Variants in ATF2 observed in about 807,000 individuals in gnomAD.
The protein encoded by ATF2 is cyclic AMP-dependent transcription factor ATF-2.
A neutral mutation model predicts 60.6 loss-of-function variants in ATF2; 24 were observed. The ratio of observed to expected loss-of-function variants is 0.40; its 90% CI spans 0.29 to 0.56. ATF2 has a LOEUF of 0.56. Ranked by LOEUF, ATF2 falls within the 20% of genes least tolerant of loss-of-function variation. The pLI is 0.54. For synonymous variants in ATF2, 206 were observed against 215.4 expected, an observed-to-expected ratio of 0.96 and a Z score of 0.38; for missense variants, 433 against 607.7, an observed-to-expected ratio of 0.71 and a Z score of 3.02.
At chr2:175,091,267 C>T (rs556397745) in intron 12 of ATF2, among the ~76,000 whole-genome samples, 1 of 151,988 alleles carries the variant, frequency 6.6e-6, no homozygotes, top group South Asian at 2.1e-4. Context: ...GTGGTATTAC[C>T]ACATCTATTC....
intron 1 of ATF2, among the ~76,000 whole-genome samples, chr2:175,156,539 G>A (rs908692021): frequency 3.9e-5 from 6 of 152,060 alleles, no homozygotes; most frequent in Non-Finnish European, 8.8e-5. Context: ...TTAGAAGCAC[G>A]AGAGGGATTT....
chr2:175,151,388 C>A (rs1016589026), intron 1 of ATF2, among the ~76,000 whole-genome samples: 1 of 152,074 alleles, frequency 6.6e-6, no homozygotes, highest in African/African-American at 2.4e-5. Flanking sequence ...TCCCGTAACT[C>A]CTGGCATATT....
chr2:175,136,376 A>G (rs1314775207), intron 3 of ATF2, 36 bp downstream of exon 3: 12 of 1,598,836 alleles, frequency 7.5e-6, no homozygotes, highest in Non-Finnish European at 1.0e-5. Flanking sequence ...CCAAAATGTA[A>G]AAAATGGCTA....
intron 2 of ATF2, among the ~76,000 whole-genome samples, chr2:175,144,093 T>G (rs915749789): frequency 1.3e-4 from 20 of 152,078 alleles, no homozygotes; most frequent in Admixed American, 1.3e-3. Flanking sequence ...TGCACCTGAT[T>G]CTTTGCCCAT....
intron 5 of ATF2, 55 bp downstream of exon 5, chr2:175,121,389 G>A: frequency 8.3e-7 from 1 of 1,206,948 alleles, no homozygotes; most frequent in South Asian, 1.6e-5. Context: ...CACAAAAATT[G>A]TGCACATTCC....
intron 5 of ATF2, among the ~76,000 whole-genome samples, chr2:175,121,131 GCTGA>G (rs1696930442): frequency 2.0e-5 from 3 of 151,804 alleles, no homozygotes; most frequent in Non-Finnish European, 4.4e-5. Context: ...TAAAAGAAAT[GCTGA>G]CTAAATACCA....
At chr2:175,122,410 C>G (rs2105720353) in intron 4 of ATF2, among the ~76,000 whole-genome samples, 1 of 152,036 alleles carries the variant, frequency 6.6e-6, no homozygotes, top group Non-Finnish European at 1.5e-5. Context: ...GTTAACAGAT[C>G]TCAATTCACT....
intron 1 of ATF2, among the ~76,000 whole-genome samples, chr2:175,159,434 G>A (rs1699883874): frequency 1.3e-5 from 2 of 152,112 alleles, no homozygotes; most frequent in African/African-American, 2.4e-5. Context: ...TTCATCAGCT[G>A]AGAGAAAAAT....
intron 1 of ATF2, among the ~76,000 whole-genome samples, chr2:175,152,984 T>C (rs749651293): frequency 2.6e-5 from 4 of 152,206 alleles, no homozygotes; most frequent in Non-Finnish European, 5.9e-5. Flanking sequence ...TGTATAGAGA[T>C]ATTTGGGTTC....
At chr2:175,076,240 G>C (rs1693282376) in intron 13 of ATF2, among the ~76,000 whole-genome samples, 2 of 151,882 alleles carry the variant, frequency 1.3e-5, no homozygotes, top group African/African-American at 4.8e-5. Flanking sequence ...TTGAAAAGCA[G>C]GTTTTAAAAT....
At chr2:175,084,469 G>A (rs1166206408) in intron 12 of ATF2, among the ~76,000 whole-genome samples, 1 of 123,864 alleles carries the variant, frequency 8.1e-6, no homozygotes, top group African/African-American at 3.1e-5. Context: ...ACAGGAAGGG[G>A]AACATCACAC....
chr2:175,089,304 G>T lies in ATF2; in HGVS notation c.1185+3757C>A, dbSNP rs115015669. 2.9e-3 allele frequency among the ~76,000 whole-genome samples: 449 copies of T among 152,210 alleles called. 2 individuals carry two copies. Among genetic ancestry groups the T allele is most frequent in the African/African-American group, 0.01 (426 of 41,526 alleles). ...CAATGATTTGGGAAAACTAAAACAT[G>T]ATTAAATTTAGTGAATGCGGCAATA... On this transcript the variant is annotated intron_variant, in intron 12 of 13. Coordinates refer to ENST00000264110, the MANE Select transcript of ATF2 (RefSeq NM_001880.4).
At chr2:175,114,318 G>A in intron 8 of ATF2, 1 of 1,300,376 alleles carries the variant, frequency 7.7e-7, no homozygotes, top group Non-Finnish European at 9.7e-7. Flanking sequence ...AAAAGTTATG[G>A]ATTTACTTAG....
chr2:175,110,897 G>A (rs145942069), intron 10 of ATF2, among the ~76,000 whole-genome samples: 7 of 152,250 alleles, frequency 4.6e-5, no homozygotes, highest in Admixed American at 4.6e-4. Flanking sequence ...GTGAGCCACT[G>A]CGCCCGGCCC....
intron 11 of ATF2, among the ~76,000 whole-genome samples, chr2:175,095,815 T>C (rs1351602611): frequency 1.3e-5 from 2 of 152,244 alleles, no homozygotes; most frequent in East Asian, 1.9e-4. Flanking sequence ...CAATAAATTA[T>C]ATTCATTTTT....
chr2:175,151,025 G>A (rs1398801830), intron 2 of ATF2, 35 bp downstream of exon 2: 1 of 152,470 alleles, frequency 6.6e-6, no homozygotes, highest in South Asian at 2.1e-4. Context: ...AAAATGAAAA[G>A]AATACTTTTA....
chr2:175,114,350 T>C lies in ATF2; in HGVS notation c.627-242A>G, dbSNP rs560406106. 27 of 1,259,038 alleles carry C rather than the reference T, an allele frequency of 2.1e-5. No individual in the cohort carries two copies. In the East Asian group the frequency reaches 8.8e-4, roughly 41 times the overall value. The allele number at this position is 1,259,038 out of a possible 1,614,324, so 78.0% of individuals were successfully genotyped here. On this transcript the variant is annotated intron_variant, in intron 8 of 13. Coordinates refer to ENST00000264110, the MANE Select transcript of ATF2 (RefSeq NM_001880.4). ...TTAGGACAATCTCCAATTTGTAAAA[T>C]GAGAAAAACTGTCATCAGAGAGCTC... is the stretch of plus-strand genomic sequence containing the variant.
chr2:175,137,786 G>A (rs1252368750), intron 2 of ATF2, among the ~76,000 whole-genome samples: 1 of 151,940 alleles, frequency 6.6e-6, no homozygotes, highest in East Asian at 1.9e-4. Flanking sequence ...TACCTACACA[G>A]CAGCCCATTT....
intron 7 of ATF2, among the ~76,000 whole-genome samples, chr2:175,116,426 G>C (rs1696574874): frequency 6.6e-6 from 1 of 151,982 alleles, no homozygotes; most frequent in Admixed American, 6.6e-5. Context: ...GGGAAAACTG[G>C]GGGAAGAATC....
Sources: allele counts gnomAD v4.1 joint callset (sites outside exome capture counted in the v4.1 genomes callset), GRCh38; gene constraint gnomAD v4.1.1; transcripts MANE v1.5; gene names NCBI Gene and HGNC (gene_info 2026-07-23, HGNC 2026-07-21).